SMIM8: variants seen among roughly 807,000 people sequenced by gnomAD.
The protein encoded by SMIM8 is UPF0708 protein C6orf162.
Under a neutral mutation model 8.1 loss-of-function variants are expected in SMIM8, and 8 were observed. The ratio of observed to expected loss-of-function variants is 0.99; its 90% CI spans 0.58 to 1.78. The LOEUF (loss-of-function observed/expected upper bound fraction) is 1.78, where lower values mean the gene tolerates loss of function less well. Among genes scored for constraint, SMIM8 ranks in the 40% most tolerant of loss-of-function variants. SMIM8 has a pLI of 0.00. For synonymous variants in SMIM8, 45 were observed against 39.7 expected, an observed-to-expected ratio of 1.13 and a Z score of -0.50; for missense variants, 126 against 119.8, an observed-to-expected ratio of 1.05 and a Z score of -0.24.
At chr6:87,329,538 G>T (rs1776940526) in intron 1 of SMIM8, among the ~76,000 whole-genome samples, 1 of 152,164 alleles carries the variant, frequency 6.6e-6, no homozygotes, top group Non-Finnish European at 1.5e-5. Flanking sequence ...CAATCTACCC[G>T]CTTCGGCCTC....
At chr6:87,334,484 G>C (rs749808791) in intron 2 of SMIM8, among the ~76,000 whole-genome samples, 1 of 152,088 alleles carries the variant, frequency 6.6e-6, no homozygotes, top group Non-Finnish European at 1.5e-5. Flanking sequence ...GGGTCCAGCT[G>C]TATCCAAACA....
intron 3 of SMIM8, among the ~76,000 whole-genome samples, chr6:87,339,666 A>G (rs1777180409): frequency 6.6e-6 from 1 of 152,186 alleles, no homozygotes; most frequent in African/African-American, 2.4e-5. Context: ...TTGGGCAAGA[A>G]GAATAGCATG....
intron 2 of SMIM8, among the ~76,000 whole-genome samples, chr6:87,332,661 A>G (rs1031021671): frequency 7.3e-5 from 2 of 27,338 alleles, no homozygotes; most frequent in Admixed American, 2.1e-4. Context: ...GTAATAAACT[A>G]TGCTCTGAGG....
At chr6:87,336,340 A>G (rs1223672894) in intron 2 of SMIM8, among the ~76,000 whole-genome samples, 1 of 152,228 alleles carries the variant, frequency 6.6e-6, no homozygotes, top group African/African-American at 2.4e-5. Flanking sequence ...CAAAAGACAC[A>G]CTTGGATTTA....
At chr6:87,339,978 T>C (rs1777186895) in intron 3 of SMIM8, 138 bp from the exon 4 acceptor site, 3 of 608,738 alleles carry the variant, frequency 4.9e-6, no homozygotes, top group Non-Finnish European at 8.0e-6. Flanking sequence ...GAATAAATGA[T>C]TTTAATTGAA....
chr6:87,340,862 T>A lies in SMIM8; in HGVS notation c.*588T>A, dbSNP rs1209263695. On this transcript the variant is annotated 3_prime_UTR_variant, in exon 4 of 4. Transcript: ENST00000392863. ...TAGCTATTTTTGGGACAGAATTTTA[T>A]TTTAATGGAAAAGATCCTTCCACTC... 1.3e-5 allele frequency: 2 copies of A among 154,570 alleles called. No homozygotes were observed. Among genetic ancestry groups the A allele is most frequent in the African/African-American group, 4.8e-5 (2 of 41,500 alleles). The allele number at this position is 154,570 out of a possible 1,614,324, so 9.6% of individuals were successfully genotyped here. A position where few individuals can be genotyped will look rare whatever the true frequency, so the allele number is the denominator to read the frequency against.
At chr6:87,338,520 T>C (rs1481823506) in intron 3 of SMIM8, among the ~76,000 whole-genome samples, 1 of 152,228 alleles carries the variant, frequency 6.6e-6, no homozygotes, top group Non-Finnish European at 1.5e-5. Flanking sequence ...TTATAATGTC[T>C]AGTGGAGGGC....
chr6:87,332,565 A>G (rs1777019451), intron 2 of SMIM8, among the ~76,000 whole-genome samples: 2 of 150,236 alleles, frequency 1.3e-5, no homozygotes, highest in African/African-American at 4.9e-5. Context: ...TATATGTAAC[A>G]TAATTTTATA....
At chr6:87,326,839 G>A (rs1458649827) in intron 1 of SMIM8, among the ~76,000 whole-genome samples, 5 of 121,028 alleles carry the variant, frequency 4.1e-5, no homozygotes, top group South Asian at 2.9e-4. Flanking sequence ...TTTCTGTCTC[G>A]TTGATCTGTC....
At chr6:87,324,638 T>C (rs1204590082) in intron 1 of SMIM8, among the ~76,000 whole-genome samples, 4 of 126,130 alleles carry the variant, frequency 3.2e-5, no homozygotes, top group African/African-American at 7.9e-5. Context: ...TATCTCTGTT[T>C]TGGTACCAGT....
rs1212923062 is a variant in SMIM8, at chr6:87,340,577, G to A, written c.*303G>A. On this transcript the variant is annotated 3_prime_UTR_variant, in exon 4 of 4. Transcript: ENST00000392863. ...TCTGTATAATAAAAGTACCCATGCT[G>A]TTAAATTTGCATGATGTTTTAAATA... 5.4e-6 allele frequency: 1 copy of A among 185,720 alleles called. No individual in the cohort carries two copies. Among genetic ancestry groups the A allele is most frequent in the African/African-American group, 2.3e-5 (1 of 42,898 alleles). The allele number at this position is 185,720 out of a possible 1,614,324, so 11.5% of individuals were successfully genotyped here.
rs970172141 is a variant in SMIM8, at chr6:87,340,229, T to C, written c.249T>C (p.Ser83=). ...AGGACCTCTATGAAGCTATTGATAGTGAGGGGCACAGTTATATGAGGCGGA... is the reference window on the plus strand; with the variant it reads ...AGGACCTCTATGAAGCTATTGATAGCGAGGGGCACAGTTATATGAGGCGGA... ...NKKDLYEAID[S]EGHSYMRRKT... Residue 83 remains serine, a synonymous_variant, in exon 4 of 4, where the codon AGT becomes AGC. Transcript: ENST00000392863. 1 of 1,610,956 alleles carries C rather than the reference T, an allele frequency of 6.2e-7. No individual in the cohort carries two copies. Among genetic ancestry groups the C allele is most frequent in the Non-Finnish European group, 8.5e-7 (1 of 1,178,984 alleles).
chr6:87,334,999 G>A lies in SMIM8; in HGVS notation c.-23-2010G>A, dbSNP rs139598200. Among the ~76,000 whole-genome samples, 518 of 152,290 alleles carry A rather than the reference G, an allele frequency of 3.4e-3. 7 individuals carry two copies. The highest frequency in any genetic ancestry group is 6.2e-3 in the Non-Finnish European group (425 of 68,026). On this transcript the variant is annotated intron_variant, in intron 2 of 3. Coordinates refer to ENST00000392863, the MANE Select transcript of SMIM8 (RefSeq NM_001042493.3). The stretch of plus-strand genomic sequence containing the variant: ...GCCATTCTGCAGCCATTGGATCAGG[G>A]TACAGTTGGCACAGTGACAGCTCAC...
At chr6:87,326,270 G>C (rs1014484236) in intron 1 of SMIM8, among the ~76,000 whole-genome samples, 4 of 152,080 alleles carry the variant, frequency 2.6e-5, no homozygotes, top group African/African-American at 9.7e-5. Context: ...ATTTCCTTTA[G>C]TTGTGCTCTG....
At chr6:87,324,244 A>G (rs1031996795) in intron 1 of SMIM8, among the ~76,000 whole-genome samples, 11 of 152,074 alleles carry the variant, frequency 7.2e-5, no homozygotes, top group African/African-American at 1.7e-4. Context: ...CTCTGATGGT[A>G]GTTTCTTTTG....
At chr6:87,332,507 AAT>A (rs148039033) in intron 2 of SMIM8, among the ~76,000 whole-genome samples, 10,844 of 148,564 alleles carry the variant, frequency 0.073, 854 homozygotes, top group African/African-American at 0.2. Context: ...ATTATTGTTT[AAT>A]ATATAATTTA....
chr6:87,327,285 T>TA (rs1474295542), intron 1 of SMIM8, among the ~76,000 whole-genome samples: 2 of 150,186 alleles, frequency 1.3e-5, no homozygotes, highest in Non-Finnish European at 3.0e-5. Flanking sequence ...GTAATATTGT[T>TA]ATGTGTGAAT....
chr6:87,326,751 G>C, intron 1 of SMIM8, among the ~76,000 whole-genome samples: 1 of 121,050 alleles, frequency 8.3e-6, no homozygotes, highest in Non-Finnish European at 1.7e-5. Flanking sequence ...CTGTTGATTT[G>C]GGGTGGAGAG....
rs1211412285 is a variant in SMIM8 at position 87,341,349 on chromosome 6, A to G, written c.*1075A>G. 2 of 397,778 alleles carry G rather than the reference A, an allele frequency of 5.0e-6. No homozygotes were observed. The highest frequency in any genetic ancestry group is 7.1e-5 in the East Asian group (2 of 28,018). The allele number at this position is 397,778 out of a possible 1,614,324, so 24.6% of individuals were successfully genotyped here. A position where few individuals can be genotyped will look rare whatever the true frequency, so the allele number is the denominator to read the frequency against. On this transcript the variant is annotated 3_prime_UTR_variant, in exon 4 of 4. Coordinates refer to ENST00000392863, the MANE Select transcript of SMIM8 (RefSeq NM_001042493.3). Reference sequence around the variant, plus strand: ...CTACGGTCAGTACCCACTGGAGGTGAGAAGCAGAATGGCCTTGGTTGTCCT... The same window carrying G: ...CTACGGTCAGTACCCACTGGAGGTGGGAAGCAGAATGGCCTTGGTTGTCCT...
Sources: allele counts gnomAD v4.1 joint callset (sites outside exome capture counted in the v4.1 genomes callset), GRCh38; gene constraint gnomAD v4.1.1; transcripts MANE v1.5; gene names NCBI Gene and HGNC (gene_info 2026-07-23, HGNC 2026-07-21).